Variants in FRMPD4 observed in about 807,000 individuals in gnomAD.
FRMPD4 encodes the protein FERM and PDZ domain-containing protein 4.
FRMPD4 carries 22 observed loss-of-function variants against 94.1 expected under a neutral mutation model. That is an observed-to-expected ratio of 0.23 (90% CI 0.17 to 0.33). The LOEUF (loss-of-function observed/expected upper bound fraction) is 0.33, where lower values mean the gene tolerates loss of function less well. FRMPD4 is among the 10% of genes least tolerant of loss of function. FRMPD4 has a pLI of 1.00. For missense variants in FRMPD4, 1,111 were observed against 1,339.9 expected, an observed-to-expected ratio of 0.83 and a Z score of 2.67; for synonymous variants, 631 against 548.6, an observed-to-expected ratio of 1.15 and a Z score of -2.10.
At chrX:12,680,215 G>C (rs1029733912) in intron 5 of FRMPD4, among the ~76,000 whole-genome samples, 2 of 111,684 alleles carry the variant, frequency 1.8e-5, no homozygotes, top group Non-Finnish European at 3.8e-5. Flanking sequence ...AAATGTACAG[G>C]GGTTGATTAG....
At chrX:11,925,972 T>C (rs756745096) in intron 3 of FRMPD4, among the ~76,000 whole-genome samples, 2 of 110,019 alleles carry the variant, frequency 1.8e-5, no homozygotes, top group South Asian at 7.8e-4. Flanking sequence ...TTGAAAAAAT[T>C]AATAAAATAG....
At chrX:12,247,559 T>C (rs2053973676) in intron 1 of FRMPD4, among the ~76,000 whole-genome samples, 1 of 112,143 alleles carries the variant, frequency 8.9e-6, no homozygotes, top group Admixed American at 9.4e-5. Flanking sequence ...TATTTTTTTG[T>C]TTTTTAAATT....
rs186771305 is a variant in FRMPD4, at chrX:12,166,796, A to G, written c.41+27784A>G. On this transcript the variant is annotated intron_variant, in intron 1 of 16. Coordinates refer to ENST00000675598, the MANE Select transcript of FRMPD4 (RefSeq NM_001368397.1). The stretch of plus-strand genomic sequence containing the variant: ...TAGCCTTGGGAGGGTGTATGTGTCC[A>G]GGAATTTATCCATTTCTTCTAGATT... 8.1e-4 allele frequency among the ~76,000 whole-genome samples: 91 copies of G among 112,050 alleles called. 1 individual carries two copies. The highest frequency in any genetic ancestry group is 2.7e-3 in the African/African-American group (84 of 30,855).
At chrX:12,141,250 C>T (rs781166547) in intron 1 of FRMPD4, among the ~76,000 whole-genome samples, 12 of 111,949 alleles carry the variant, frequency 1.1e-4, no homozygotes, top group Non-Finnish European at 1.7e-4. Flanking sequence ...AGCATGGTTA[C>T]TTCAGTGCTT....
chrX:12,494,759 C>G (rs897204474), intron 1 of FRMPD4, among the ~76,000 whole-genome samples: 10 of 111,941 alleles, frequency 8.9e-5, no homozygotes, highest in African/African-American at 3.2e-4. Context: ...CATAGCTGCT[C>G]TCATTTCCTA....
chrX:12,136,890 AACACACACACACACAC>A (rs376427153), upstream of FRMPD4, among the ~76,000 whole-genome samples: 4,872 of 97,518 alleles, frequency 0.05, 178 homozygotes, highest in African/African-American at 0.12. Flanking sequence ...TCTACGTTAA[AACACACACACACACAC>A]ACACACACAC....
At chrX:12,342,175 A>G (rs2055625527) in intron 1 of FRMPD4, among the ~76,000 whole-genome samples, 1 of 112,093 alleles carries the variant, frequency 8.9e-6, no homozygotes, top group South Asian at 3.7e-4. Context: ...AATACAAGAC[A>G]CTGTAAAAGG....
rs567058747 is a variant in FRMPD4, at chrX:12,380,923, A to G, written c.42-117757A>G. Reference sequence around the variant, plus strand: ...CAGGCAAAGCAATTTATCTGAGATGATTCAGAAAAATGTTCACATACAGCT... The same window carrying G: ...CAGGCAAAGCAATTTATCTGAGATGGTTCAGAAAAATGTTCACATACAGCT... On this transcript the variant is annotated intron_variant, in intron 1 of 16. Coordinates refer to ENST00000675598, the MANE Select transcript of FRMPD4 (RefSeq NM_001368397.1). Among the ~76,000 whole-genome samples, 6 of 112,064 alleles carry G rather than the reference A, an allele frequency of 5.4e-5. No individual in the cohort carries two copies. In the South Asian group the frequency reaches 1.9e-3, roughly 35 times the overall value.
chrX:12,581,252 A>G (rs901219429), intron 2 of FRMPD4, among the ~76,000 whole-genome samples: 1 of 112,508 alleles, frequency 8.9e-6, no homozygotes, highest in Non-Finnish European at 1.9e-5. Flanking sequence ...TCCAGGATAT[A>G]ATCCAAAATC....
chrX:11,970,374 C>G (rs2054333629), intron 3 of FRMPD4, among the ~76,000 whole-genome samples: 1 of 111,871 alleles, frequency 8.9e-6, no homozygotes, highest in African/African-American at 3.3e-5. Context: ...CAGATGCTCA[C>G]CACATGTGCG....
chrX:12,010,576 A>G (rs1344806682), intron 3 of FRMPD4, among the ~76,000 whole-genome samples: 5 of 112,156 alleles, frequency 4.5e-5, no homozygotes, highest in African/African-American at 1.3e-4. Context: ...TTGAAGCACA[A>G]AAGCAGCCAT....
At chrX:12,292,815 A>G (rs1370825372) in intron 1 of FRMPD4, among the ~76,000 whole-genome samples, 2 of 111,621 alleles carry the variant, frequency 1.8e-5, no homozygotes, top group Non-Finnish European at 3.8e-5. Flanking sequence ...ATGATCTGTC[A>G]TTTGAGTATA....
intron 1 of FRMPD4, among the ~76,000 whole-genome samples, chrX:12,256,388 A>T (rs914101580): frequency 8.9e-5 from 10 of 112,195 alleles, no homozygotes; most frequent in Non-Finnish European, 1.7e-4. Flanking sequence ...GAATCTAGCC[A>T]GGACTTCTTA....
At chrX:12,169,002 A>T (rs770476518) in intron 1 of FRMPD4, among the ~76,000 whole-genome samples, 2 of 112,228 alleles carry the variant, frequency 1.8e-5, no homozygotes, top group Non-Finnish European at 3.8e-5. Context: ...CATCCCTAAT[A>T]CAACTATTAA....
chrX:12,270,942 T>C (rs2054346669), intron 1 of FRMPD4, among the ~76,000 whole-genome samples: 1 of 112,168 alleles, frequency 8.9e-6, no homozygotes, highest in African/African-American at 3.2e-5. Context: ...ACTTTCTGTA[T>C]TATTTTTGCA....
chrX:12,267,676 G>T (rs151127193), intron 1 of FRMPD4, among the ~76,000 whole-genome samples: 1 of 112,894 alleles, frequency 8.9e-6, no homozygotes, highest in African/African-American at 3.2e-5. Flanking sequence ...GCTTTAAGCA[G>T]CTGTCACTAG....
intron 1 of FRMPD4, among the ~76,000 whole-genome samples, chrX:12,418,365 TTTTC>T (rs2056837585): frequency 9.9e-6 from 1 of 100,905 alleles, no homozygotes; most frequent in Non-Finnish European, 2.0e-5. Context: ...TTTTTTTTTT[TTTTC>T]TTTTTTTGAG....
chrX:12,514,963 G>A (rs1243861566), intron 2 of FRMPD4, among the ~76,000 whole-genome samples: 1 of 111,580 alleles, frequency 9.0e-6, no homozygotes, highest in African/African-American at 3.3e-5. Flanking sequence ...TATATGTCCA[G>A]GATTTTTTCC....
rs1555932801 is a variant in FRMPD4 at position 12,193,837 on chromosome X, A to AG, written c.41+54826dup. On this transcript the variant is annotated intron_variant, in intron 1 of 16. Transcript: ENST00000675598. ...AAGGAAGGAAGGAAGGAGGGAAGGAAGAAAGAAAAGAAAGAAAAAGGAAGG... is the reference window on the plus strand; with the variant it reads ...AAGGAAGGAAGGAAGGAGGGAAGGAAGGAAAGAAAAGAAAGAAAAAGGAAGG... Among the ~76,000 whole-genome samples the AG allele has an allele frequency of 5.5e-4, 32 of 58,346 alleles. 3 individuals are homozygous for AG. The highest frequency in any genetic ancestry group is 5.4e-4 in the Non-Finnish European group (18 of 33,074). The allele number at this position is 58,346 out of a possible 115,157, so 50.7% of individuals were successfully genotyped here.
Sources: gnomAD v4.1 joint callset for allele counts (sites outside exome capture counted in the v4.1 genomes callset) on GRCh38, gnomAD v4.1.1 for gene constraint, MANE v1.5 for transcripts, NCBI Gene and HGNC (gene_info 2026-07-23, HGNC 2026-07-21) for gene names.